The following SRI variants were observed in gnomAD, a reference collection of about 807,000 sequenced individuals.
The protein encoded by SRI is sorcin, also known as 22 kDa protein.
SRI carries 30 observed loss-of-function variants against 33.3 expected under a neutral mutation model. The observed-to-expected ratio is 0.90, with a 90% CI of 0.67 to 1.22. The LOEUF (loss-of-function observed/expected upper bound fraction) is 1.22, where lower values mean the gene tolerates loss of function less well. Among genes scored for constraint, SRI ranks in the 50% most tolerant of loss-of-function variants. SRI has a pLI of 0.00. For missense variants in SRI, 243 were observed against 250.8 expected (o/e 0.97, Z 0.21); for synonymous variants, 75 against 89.9 (o/e 0.83, Z 0.94).
chr7:88,226,129 C>G (rs1251554811), intron 1 of SRI, among the ~76,000 whole-genome samples: 1 of 152,148 alleles, frequency 6.6e-6, no homozygotes, highest in African/African-American at 2.4e-5. Context: ...CTTAGGATGA[C>G]TCTTCCTAAG....
intron 5 of SRI, 46 bp downstream of exon 5, chr7:88,209,937 A>G: frequency 2.5e-6 from 4 of 1,613,100 alleles, no homozygotes; most frequent in Non-Finnish European, 2.5e-6. Context: ...ATAAAAATCA[A>G]CTTACTTCTA....
At chr7:88,219,224 G>C (rs1196418339) in intron 1 of SRI, 14 of 423,262 alleles carry the variant, frequency 3.3e-5, no homozygotes, top group Admixed American at 3.5e-5. Context: ...AGGTTACTGA[G>C]GTGAGTGCAA....
At chr7:88,220,179 C>T, upstream of SRI, 2 of 1,315,328 alleles carry the variant, frequency 1.5e-6, no homozygotes, top group Non-Finnish European at 1.9e-6. Context: ...TGCCTGTGCG[C>T]GCGGCCGTGG....
intron 2 of SRI, among the ~76,000 whole-genome samples, 167 bp from the exon 3 acceptor site, chr7:88,217,358 T>G (rs1322126827): frequency 2.0e-5 from 3 of 152,240 alleles, no homozygotes; most frequent in African/African-American, 7.2e-5. Context: ...GTGGGCATTC[T>G]TTTCCTTAAC....
intron 7 of SRI, 106 bp from the exon 8 acceptor site, chr7:88,206,610 A>C (rs987557584): frequency 8.2e-7 from 1 of 1,222,270 alleles, no homozygotes; most frequent in African/African-American, 1.5e-5. Flanking sequence ...CGGGTAAAAC[A>C]ACCCCTACAA....
intron 6 of SRI, 193 bp from the exon 7 acceptor site, chr7:88,208,758 C>T (rs1368433946): frequency 1.2e-6 from 1 of 805,054 alleles, no homozygotes; most frequent in Non-Finnish European, 1.9e-6. Flanking sequence ...AACAAAGTAA[C>T]AGGCAGAAGT....
At chr7:88,221,626 A>G (rs1261229675), upstream of SRI, among the ~76,000 whole-genome samples, 1 of 152,242 alleles carries the variant, frequency 6.6e-6, no homozygotes, top group East Asian at 1.9e-4. Context: ...ATAAACGGCT[A>G]TACGAATTGG....
chr7:88,224,525 G>C (rs996849875), upstream of SRI, among the ~76,000 whole-genome samples: 1 of 152,210 alleles, frequency 6.6e-6, no homozygotes, highest in Admixed American at 6.5e-5. Context: ...TTAGAGAGAA[G>C]CTCAGATCTC....
intron 3 of SRI, chr7:88,216,843 T>C (rs1432878259): frequency 3.4e-5 from 16 of 473,006 alleles, no homozygotes; most frequent in South Asian, 1.3e-4. Context: ...GGTACAATCA[T>C]AGATTACTGC....
chr7:88,207,149 T>C (rs1157395398), intron 7 of SRI, among the ~76,000 whole-genome samples: 1 of 152,230 alleles, frequency 6.6e-6, no homozygotes, highest in Non-Finnish European at 1.5e-5. Context: ...CTTGCAGCTC[T>C]ATTGCAAGGT....
In SRI at chr7:88,209,429, C is replaced by T. The variant is rs749176582; in HGVS notation, c.421G>A (p.Val141Met). ...TMGFRLSPQA[V>M]NSIAKRYSTN... ...CTGTATCGTTTTGCAATTGAATTCA[C>T]AGCCTGGGGACTCAACCTAAATCCT... Residue 141 changes from valine (V) to methionine (M), a missense_variant, in exon 6 of 8, where the codon GTG (valine) becomes ATG (methionine). Transcript: ENST00000265729. The T allele has an allele frequency of 3.1e-6, 5 of 1,613,884 alleles. No individual in the cohort carries two copies. Among genetic ancestry groups the T allele is most frequent in the South Asian group, 1.1e-5 (1 of 91,088 alleles).
chr7:88,211,506 T>A (rs766787997), intron 3 of SRI, among the ~76,000 whole-genome samples: 2 of 152,118 alleles, frequency 1.3e-5, no homozygotes, highest in Non-Finnish European at 2.9e-5. Context: ...GCTTTGAAAC[T>A]GTAATATAGC....
upstream of SRI, among the ~76,000 whole-genome samples, chr7:88,221,897 T>A (rs1259605542): frequency 6.8e-6 from 1 of 146,014 alleles, no homozygotes; most frequent in Non-Finnish European, 1.5e-5. Context: ...GTCCATGTGA[T>A]CTCATCGTTC....
chr7:88,210,022 C>T lies in SRI; in HGVS notation c.358G>A (p.Val120Ile). Residue 120 changes from valine (V) to isoleucine (I), a missense_variant, in exon 5 of 8, where the codon GTA (valine) becomes ATA (isoleucine). By Grantham distance (29) the Val-to-Ile change is conservative. Coordinates refer to ENST00000265729, the MANE Select transcript of SRI (RefSeq NM_003130.4). ...GCCTTCTGCAATTCTTGTGGGTCTA[C>T]TGTTCCACTCCTGTCAGTGTCAAAA... ...ISFDTDRSGTVDPQELQKALT... is the reference protein window; with the variant it reads ...ISFDTDRSGTIDPQELQKALT... The T allele has an allele frequency of 6.2e-7, 1 of 1,614,186 alleles. No homozygotes were observed. Among genetic ancestry groups the T allele is most frequent in the Admixed American group, 1.7e-5 (1 of 60,012 alleles).
intron 3 of SRI, among the ~76,000 whole-genome samples, chr7:88,212,887 TA>T (rs1184804991): frequency 6.6e-6 from 1 of 152,170 alleles, no homozygotes; most frequent in Non-Finnish European, 1.5e-5. Context: ...CCAATGCTGC[TA>T]AAGTTTAAGA....
At chr7:88,224,406 G>A (rs43108), upstream of SRI, among the ~76,000 whole-genome samples, 30,908 of 152,164 alleles carry the variant, frequency 0.2, 4,456 homozygotes, top group East Asian at 0.75. Context: ...TTAACCATAG[G>A]TCTTCACTTG....
rs1159176894 is a variant in SRI at position 88,218,960 on chromosome 7, C to A, written c.52-18G>T. ...CCTCCATACTGTGAAACAGGAAACA[C>A]ATACACGTCATTCTGCCGAATCAAG... On this transcript the variant is annotated intron_variant, in intron 1 of 7. Coordinates refer to ENST00000265729, the MANE Select transcript of SRI (RefSeq NM_003130.4). The A allele has an allele frequency of 8.1e-6, 13 of 1,607,910 alleles. No individual in the cohort carries two copies. The highest frequency in any genetic ancestry group is 1.1e-5 in the Non-Finnish European group (13 of 1,174,556).
intron 1 of SRI, 127 bp from the exon 2 acceptor site, chr7:88,219,069 C>T: frequency 2.7e-6 from 2 of 743,942 alleles, no homozygotes; most frequent in Non-Finnish European, 4.7e-6. Context: ...CACCTCCCCA[C>T]CACCGGGCAC....
intron 1 of SRI, among the ~76,000 whole-genome samples, chr7:88,219,746 C>T (rs1413009468): frequency 6.6e-6 from 1 of 152,140 alleles, no homozygotes; most frequent in Non-Finnish European, 1.5e-5. Flanking sequence ...TCCCAATCCA[C>T]CCTCACCTTG....
Sources: gnomAD v4.1 joint callset for allele counts (sites outside exome capture counted in the v4.1 genomes callset) on GRCh38, gnomAD v4.1.1 for gene constraint, MANE v1.5 for transcripts, NCBI Gene and HGNC (gene_info 2026-07-23, HGNC 2026-07-21) for gene names.